PRCC: variants seen among roughly 807,000 people sequenced by gnomAD.
The protein encoded by PRCC is proline-rich protein PRCC.
In PRCC, 10 loss-of-function variants were observed where a neutral mutation model predicts 44.0. The observed-to-expected ratio is 0.23, with a 90% confidence interval of 0.14 to 0.39. PRCC has a LOEUF of 0.39. Among genes scored for constraint, PRCC ranks in the 10% least tolerant of loss-of-function variants. The pLI is 1.00. For synonymous variants in PRCC, 278 were observed against 259.5 expected (o/e 1.07, Z -0.69); for missense variants, 573 against 624.7 (o/e 0.92, Z 0.88).
chr1:156,787,104 C>T lies in PRCC; in HGVS notation c.1013C>T (p.Pro338Leu). The T allele has an allele frequency of 1.2e-6, 2 of 1,614,064 alleles. No homozygotes were observed. Among genetic ancestry groups the T allele is most frequent in the African/African-American group, 2.7e-5 (2 of 75,040 alleles). The change falls in exon 3 of 7, where the codon CCT becomes CTT. Residue 338 changes from proline to leucine, a missense_variant. Pro to Leu is a moderately conservative substitution (Grantham distance 98). Around this residue, in one of 4 missense-constraint regions of PRCC, gnomAD observed 141 missense variants for 130.2 expected, o/e 1.08. Coordinates refer to ENST00000271526, the MANE Select transcript of PRCC (RefSeq NM_005973.5). ...AGTGGGGCCCCTTGGATGCCTAAGC[C>T]TGGGGACGACTACAGCTACAATCAG... ...GSSGAPWMPK[P>L]GDDYSYNQFS...
Position 156,786,677 on chromosome 1 carries a change from A to G in PRCC, c.586A>G (p.Asn196Asp). 1 of 1,614,168 alleles carries G rather than the reference A, an allele frequency of 6.2e-7. No individual in the cohort carries two copies. Among genetic ancestry groups the G allele is most frequent in the South Asian group, 1.1e-5 (1 of 91,080 alleles). The change falls in exon 3 of 7, where the codon AAC (asparagine) becomes GAC (aspartate). Residue 196 changes from asparagine (N) to aspartate (D), a missense_variant. Coordinates refer to ENST00000271526, the MANE Select transcript of PRCC (RefSeq NM_005973.5). Reference protein sequence around the residue: ...QPKNLTVKETNRLLLPHAFSR... With the variant: ...QPKNLTVKETDRLLLPHAFSR... ...TAAAAACCTGACTGTGAAAGAGACTAACAGGTTGCTCCTGCCCCATGCCTT... is the reference window on the plus strand; with the variant it reads ...TAAAAACCTGACTGTGAAAGAGACTGACAGGTTGCTCCTGCCCCATGCCTT...
At chr1:156,774,157 CTTTTTTTTTTTTTTTTTTTTTTTT>C (rs76271348) in intron 1 of PRCC, among the ~76,000 whole-genome samples, 1 of 54,008 alleles carries the variant, frequency 1.9e-5, no homozygotes, top group South Asian at 6.0e-4. Flanking sequence ...TTTGAGTCAC[CTTTTTTTTTTTTTTTTTTTTTTTT>C]TTTTTTTTTT....
chr1:156,773,404 T>C (rs1232978935), intron 1 of PRCC, among the ~76,000 whole-genome samples: 1 of 152,180 alleles, frequency 6.6e-6, no homozygotes, highest in East Asian at 1.9e-4. Context: ...CTTGTCACTC[T>C]TGGCAGCTGG....
At chr1:156,791,084 G>C in intron 3 of PRCC, 1 of 1,410,198 alleles carries the variant, frequency 7.1e-7, no homozygotes, top group African/African-American at 1.4e-5. Context: ...AGCAACATCT[G>C]GGCCACTCGC....
chr1:156,773,624 C>T (rs1651712996), intron 1 of PRCC, among the ~76,000 whole-genome samples: 1 of 152,150 alleles, frequency 6.6e-6, no homozygotes, highest in Admixed American at 6.5e-5. Context: ...CTCAGATGGC[C>T]ATTTGCTGGT....
chr1:156,782,654 A>G (rs976696374), intron 2 of PRCC, among the ~76,000 whole-genome samples: 1 of 152,306 alleles, frequency 6.6e-6, no homozygotes, highest in East Asian at 1.9e-4. Flanking sequence ...ATTAGTCAAA[A>G]TGATGTTAAA....
intron 2 of PRCC, among the ~76,000 whole-genome samples, chr1:156,785,591 G>T (rs368822688): frequency 6.4e-5 from 9 of 141,136 alleles, no homozygotes; most frequent in African/African-American, 2.3e-4. Flanking sequence ...CCTATCTAAG[G>T]GGGGGAAAAA....
intron 1 of PRCC, among the ~76,000 whole-genome samples, chr1:156,774,950 CAAA>C (rs35955533): frequency 1.4e-4 from 15 of 105,476 alleles, no homozygotes; most frequent in Non-Finnish European, 1.5e-4. Context: ...GACTCTGTCT[CAAA>C]AAAAAAAAAA....
At chr1:156,782,407 G>C in intron 2 of PRCC, 78 bp downstream of exon 2, 1 of 1,358,904 alleles carries the variant, frequency 7.4e-7, no homozygotes, top group Non-Finnish European at 1.0e-6. Context: ...GTATCCAGCA[G>C]TTTTCAGATT....
intron 3 of PRCC, among the ~76,000 whole-genome samples, chr1:156,790,674 TA>T (rs958677829): frequency 2.6e-5 from 4 of 152,146 alleles, no homozygotes; most frequent in Admixed American, 2.0e-4. Context: ...AGCAGGAAAA[TA>T]AAAAAGATGC....
chr1:156,783,591 C>T lies in PRCC; in HGVS notation c.516+1262C>T, dbSNP rs116229839. 7.5e-3 allele frequency among the ~76,000 whole-genome samples: 1,135 copies of T among 151,914 alleles called. 9 individuals are homozygous for T. The highest frequency in any genetic ancestry group is 0.026 in the African/African-American group (1,068 of 41,488). On this transcript the variant is annotated intron_variant, in intron 2 of 6. Transcript: ENST00000271526. ...TGAAACCCTGTCTCTACTAAAAATA[C>T]GAAAATTAGCCAGGCGTGGTGACAG...
intron 4 of PRCC, among the ~76,000 whole-genome samples, chr1:156,793,572 G>C (rs1171136193): frequency 6.6e-6 from 1 of 151,030 alleles, no homozygotes; most frequent in South Asian, 2.1e-4. Context: ...CCTTTTCTAC[G>C]CAGCCCCACA....
intron 6 of PRCC, 137 bp downstream of exon 6, chr1:156,797,478 A>C (rs1652696249): frequency 6.2e-6 from 6 of 962,872 alleles, no homozygotes; most frequent in Admixed American, 2.3e-5. Flanking sequence ...TCCTATTCTC[A>C]GAGCGGCCAC....
intron 3 of PRCC, among the ~76,000 whole-genome samples, chr1:156,787,648 G>C (rs7411670): frequency 1.1e-4 from 1 of 9,068 alleles, no homozygotes; most frequent in African/African-American, 2.4e-4. Context: ...TAGGTTTTTG[G>C]CCTTTTTTTT....
intron 3 of PRCC, among the ~76,000 whole-genome samples, chr1:156,789,806 GA>G (rs1652413069): frequency 1.3e-5 from 2 of 152,320 alleles, no homozygotes; most frequent in African/African-American, 4.8e-5. Flanking sequence ...GTGGTTCCTG[GA>G]AAATAGTAAA....
intron 1 of PRCC, among the ~76,000 whole-genome samples, chr1:156,778,581 C>CTTTT (rs746389120): frequency 3.8e-5 from 5 of 130,084 alleles, no homozygotes; most frequent in Non-Finnish European, 5.0e-5. Context: ...TATAGTAATT[C>CTTTT]TTTTTTTTTT....
intron 1 of PRCC, among the ~76,000 whole-genome samples, chr1:156,769,533 G>A (rs952135511): frequency 6.6e-5 from 10 of 152,170 alleles, no homozygotes; most frequent in Non-Finnish European, 1.0e-4. Context: ...ATTTTTCATG[G>A]AAGGAGTTTC....
chr1:156,782,001 A>G (rs1432511275), intron 1 of PRCC, among the ~76,000 whole-genome samples: 4 of 152,348 alleles, frequency 2.6e-5, no homozygotes, highest in Admixed American at 2.6e-4. Flanking sequence ...AATTTAACAG[A>G]AAAGAAATTG....
intron 5 of PRCC, 58 bp downstream of exon 5, chr1:156,794,866 T>A: frequency 6.2e-7 from 1 of 1,602,264 alleles, no homozygotes; most frequent in Non-Finnish European, 8.5e-7. Context: ...CAAAATCTTG[T>A]CTTACTCCCC....
Sources: allele counts gnomAD v4.1 joint callset (sites outside exome capture counted in the v4.1 genomes callset), GRCh38; gene constraint gnomAD v4.1.1; regional missense constraint gnomAD v4.1.1; transcripts MANE v1.5; gene names NCBI Gene and HGNC (gene_info 2026-07-23, HGNC 2026-07-21).